Variants in GLDC observed in about 807,000 individuals in gnomAD.
GLDC encodes glycine decarboxylase.
Under a neutral mutation model 121.3 loss-of-function variants are expected in GLDC, and 104 were observed. The observed-to-expected ratio is 0.86, with a 90% confidence interval of 0.73 to 1.01. GLDC has a LOEUF of 1.01. Among genes scored for constraint, GLDC ranks in the 50% least tolerant of loss-of-function variants. The pLI, the probability that GLDC is intolerant of heterozygous loss-of-function variation, is 0.00. For missense variants in GLDC, 1,429 were observed against 1,306.6 expected (o/e 1.09, Z -1.44); for synonymous variants, 546 against 480.6 (o/e 1.14, Z -1.78).
chr9:6,598,775 T>G (rs1346752930), intron 8 of GLDC, among the ~76,000 whole-genome samples: 1 of 151,994 alleles, frequency 6.6e-6, no homozygotes, highest in Non-Finnish European at 1.5e-5. Context: ...CAAGCTGGAG[T>G]ATGGCCATCT....
intron 15 of GLDC, chr9:6,565,950 T>C (rs532649042): frequency 2.4e-4 from 49 of 201,800 alleles, no homozygotes; most frequent in Non-Finnish European, 4.4e-4. Flanking sequence ...TTTTTAAAAA[T>C]ATAACTACAG....
chr9:6,601,098 G>A (rs1323509619), intron 8 of GLDC, among the ~76,000 whole-genome samples: 5 of 151,886 alleles, frequency 3.3e-5, no homozygotes, highest in African/African-American at 4.8e-5. Flanking sequence ...GCTTGAAACC[G>A]GGCAGCAGAG....
chr9:6,620,068 A>G, intron 3 of GLDC, 116 bp downstream of exon 3: 1 of 972,624 alleles, frequency 1.0e-6, no homozygotes, highest in Non-Finnish European at 1.7e-6. Context: ...CATTGGAGAC[A>G]GCACTAGGAG....
rs1818316295 is a variant in GLDC, at chr9:6,588,628, A to T, written c.1655T>A (p.Met552Lys). The T allele has an allele frequency of 6.2e-7, 1 of 1,609,166 alleles. No individual in the cohort carries two copies. The highest frequency in any genetic ancestry group is 8.5e-7 in the Non-Finnish European group (1 of 1,175,580). Residue 552 changes from methionine to lysine, a missense_variant, in exon 13 of 25, where the codon ATG becomes AAG. Met to Lys is a moderately conservative substitution (Grantham distance 95, BLOSUM62 -1). Transcript: ENST00000321612. ...GCCACAAATAACTACCAGTGGAATC[A>T]TGCTGTGAACAAGGGAAATGTCTTT... ...ENKDISLVHS[M>K]IPLGSCTMKL... is the part of the protein sequence containing the mutation.
At chr9:6,592,364 A>T in intron 10 of GLDC, 141 bp from the exon 11 acceptor site, 11 of 704,730 alleles carry the variant, frequency 1.6e-5, no homozygotes, top group Non-Finnish European at 2.8e-5. Flanking sequence ...TCTCCACGCT[A>T]AGGCTTAGAG....
In GLDC at chr9:6,556,195, A is replaced by C. The variant is rs758841885; in HGVS notation, c.2160T>G (p.His720Gln). The C allele has an allele frequency of 1.2e-6, 2 of 1,613,304 alleles. No homozygotes were observed. The highest frequency in any genetic ancestry group is 1.7e-6 in the Non-Finnish European group (2 of 1,179,428). ...ISDVCDLIHQ[H>Q]GGQVYLDGAN... ...CCCCGTCTAGGTAGACCTGTCCTCC[A>C]TGTTGATGGATGAGGTCACACACGT... The change falls in exon 18 of 25, where the codon CAT becomes CAG. Residue 720 changes from histidine (H) to glutamine (Q), a missense_variant. Physicochemically the swap from His to Gln is conservative, Grantham distance 24 (BLOSUM62 0). Coordinates refer to ENST00000321612, the MANE Select transcript of GLDC (RefSeq NM_000170.3).
intron 12 of GLDC, 67 bp from the exon 13 acceptor site, chr9:6,588,769 CA>C (rs1024286162): frequency 6.5e-6 from 6 of 919,436 alleles, no homozygotes; most frequent in Non-Finnish European, 9.1e-6. Context: ...ATCCTCCTGA[CA>C]TATAAGACAC....
At chr9:6,622,798 A>G (rs1224635341) in intron 2 of GLDC, 6 of 220,632 alleles carry the variant, frequency 2.7e-5, no homozygotes, top group Non-Finnish European at 4.5e-5. Context: ...GGAAGTGAGG[A>G]GCGCCTCTTC....
At chr9:6,546,067 T>C (rs1253574827) in intron 21 of GLDC, among the ~76,000 whole-genome samples, 1 of 152,262 alleles carries the variant, frequency 6.6e-6, no homozygotes, top group East Asian at 1.9e-4. Flanking sequence ...GTCCTTATTC[T>C]ATATGCTTTC....
At chr9:6,561,039 T>C (rs1817746629) in intron 16 of GLDC, among the ~76,000 whole-genome samples, 1 of 152,186 alleles carries the variant, frequency 6.6e-6, no homozygotes, top group Non-Finnish European at 1.5e-5. Context: ...AAACAGATTC[T>C]CCCCTGTCTC....
At chr9:6,570,167 C>A (rs1047366741) in intron 15 of GLDC, among the ~76,000 whole-genome samples, 3 of 152,132 alleles carry the variant, frequency 2.0e-5, no homozygotes, top group African/African-American at 7.2e-5. Flanking sequence ...ATGGTGAACA[C>A]CAGCAGTCAC....
intron 2 of GLDC, among the ~76,000 whole-genome samples, chr9:6,628,851 T>G (rs1295426765): frequency 2.0e-5 from 3 of 152,268 alleles, no homozygotes; most frequent in South Asian, 4.1e-4. Flanking sequence ...ATGAAGGAAT[T>G]CAGGCAATCC....
chr9:6,586,310 T>TAAATAA (rs778466684), intron 15 of GLDC, among the ~76,000 whole-genome samples: 2 of 151,822 alleles, frequency 1.3e-5, no homozygotes, highest in Non-Finnish European at 2.9e-5. Flanking sequence ...AACAAATAAA[T>TAAATAA]AAATAAAAAT....
At chr9:6,537,349 C>T (rs904991790) in intron 22 of GLDC, among the ~76,000 whole-genome samples, 1 of 152,174 alleles carries the variant, frequency 6.6e-6, no homozygotes, top group African/African-American at 2.4e-5. Context: ...AAGAACAACT[C>T]CCAGGTTGAT....
intron 21 of GLDC, among the ~76,000 whole-genome samples, chr9:6,550,578 G>C (rs182354509): frequency 6.6e-6 from 1 of 152,306 alleles, no homozygotes; most frequent in Non-Finnish European, 1.5e-5. Context: ...AGTGAGACAA[G>C]ATCCTGCCAC....
intron 2 of GLDC, among the ~76,000 whole-genome samples, chr9:6,625,611 A>G (rs2129968389): frequency 6.6e-6 from 1 of 152,316 alleles, no homozygotes; most frequent in African/African-American, 2.4e-5. Context: ...AGCCAAAATT[A>G]CAGTCCCTCA....
At chr9:6,637,943 CCTCCCAA>C (rs1819540991) in intron 2 of GLDC, among the ~76,000 whole-genome samples, 1 of 151,276 alleles carries the variant, frequency 6.6e-6, no homozygotes, top group Non-Finnish European at 1.5e-5. Context: ...CCCACCTTAA[CCTCCCAA>C]AGTGCTGAGA....
chr9:6,601,534 T>A (rs544467079), intron 8 of GLDC, among the ~76,000 whole-genome samples: 1 of 152,338 alleles, frequency 6.6e-6, no homozygotes, highest in African/African-American at 2.4e-5. Context: ...TTTTTTAGTA[T>A]TAAAACATGT....
intron 22 of GLDC, among the ~76,000 whole-genome samples, chr9:6,538,919 C>A (rs1273929408): frequency 1.3e-5 from 2 of 152,198 alleles, no homozygotes; most frequent in African/African-American, 2.4e-5. Context: ...TTAATGAAGC[C>A]TTTCTCTGGC....
Sources: allele counts gnomAD v4.1 joint callset (sites outside exome capture counted in the v4.1 genomes callset), GRCh38; gene constraint gnomAD v4.1.1; transcripts MANE v1.5; gene names NCBI Gene and HGNC (gene_info 2026-07-23, HGNC 2026-07-21).